Variants in ROBO2 observed in about 807,000 individuals in gnomAD.
ROBO2 encodes roundabout homolog 2.
Under a neutral mutation model 160.8 loss-of-function variants are expected in ROBO2, and 53 were observed. The ratio of observed to expected loss-of-function variants is 0.33; its 90% CI spans 0.26 to 0.41. The LOEUF is 0.41. ROBO2 is among the 10% of genes least tolerant of loss of function. The pLI, the probability that ROBO2 is intolerant of heterozygous loss-of-function variation, is 1.00. For missense variants in ROBO2, 1,577 were observed against 1,722.4 expected (o/e 0.92, Z 1.49); for synonymous variants, 664 against 611.7 (o/e 1.09, Z -1.26).
intron 2 of ROBO2, among the ~76,000 whole-genome samples, chr3:76,967,672 C>A (rs997104094): frequency 1.3e-5 from 2 of 151,676 alleles, no homozygotes; most frequent in Non-Finnish European, 2.9e-5. Flanking sequence ...CAGGCACTCT[C>A]TACCACACCT....
intron 2 of ROBO2, among the ~76,000 whole-genome samples, chr3:76,364,777 A>C (rs894956635): frequency 1.3e-5 from 2 of 152,048 alleles, no homozygotes; most frequent in Non-Finnish European, 2.9e-5. Flanking sequence ...TCAAAACTTC[A>C]TGTAGGCTGC....
In ROBO2 at chr3:76,523,543, A is replaced by G. The variant is rs375391908; in HGVS notation, c.110-574471A>G. On this transcript the variant is annotated intron_variant, in intron 2 of 26. Transcript: ENST00000487694. ...CTGCCATCTCCACAGCTGCATCTCA[A>G]ACTTCTCTGATGTAGTATTCCTCTT... 9.9e-5 allele frequency among the ~76,000 whole-genome samples: 15 copies of G among 152,156 alleles called. 1 individual carries two copies. Among genetic ancestry groups the G allele is most frequent in the Admixed American group, 7.9e-4 (12 of 15,264 alleles).
intron 2 of ROBO2, among the ~76,000 whole-genome samples, chr3:76,818,366 TTG>T (rs1159565642): frequency 3.9e-5 from 6 of 152,068 alleles, no homozygotes; most frequent in African/African-American, 1.4e-4. Context: ...GATGATTTGT[TTG>T]TGTTTTTTTG....
At chr3:76,599,946 C>G (rs1010439945) in intron 2 of ROBO2, among the ~76,000 whole-genome samples, 1 of 151,972 alleles carries the variant, frequency 6.6e-6, no homozygotes. Context: ...AATATTAGAC[C>G]TTTGTCATGT....
chr3:77,516,941 C>T (rs2090082006), intron 5 of ROBO2, among the ~76,000 whole-genome samples: 1 of 151,540 alleles, frequency 6.6e-6, no homozygotes, highest in Non-Finnish European at 1.5e-5. Flanking sequence ...AATAAGCATT[C>T]ATTGAACGCC....
intron 2 of ROBO2, among the ~76,000 whole-genome samples, chr3:76,008,653 C>T (rs2066101333): frequency 6.6e-6 from 1 of 152,084 alleles, no homozygotes. Context: ...ATCAAATGAC[C>T]ACCCTCTCAT....
At chr3:76,435,071 C>A in intron 2 of ROBO2, 1 of 1,081,390 alleles carries the variant, frequency 9.2e-7, no homozygotes, top group Non-Finnish European at 1.4e-6. Flanking sequence ...ACAAGTGTGT[C>A]AACATGACAT....
At chr3:77,546,244 C>T in intron 6 of ROBO2, 94 bp from the exon 8 acceptor site, 1 of 1,359,866 alleles carries the variant, frequency 7.4e-7, no homozygotes, top group African/African-American at 1.4e-5. Flanking sequence ...CTCTCTGGCA[C>T]TGAACAGTCA....
At chr3:77,338,129 G>A (rs1174164022) in intron 2 of ROBO2, among the ~76,000 whole-genome samples, 3 of 151,896 alleles carry the variant, frequency 2.0e-5, no homozygotes, top group Non-Finnish European at 4.4e-5. Context: ...TCAGAGAAGG[G>A]GTACCACAGA....
At chr3:77,620,966 G>A (rs1289239741) in intron 22 of ROBO2, among the ~76,000 whole-genome samples, 1 of 152,082 alleles carries the variant, frequency 6.6e-6, no homozygotes, top group Admixed American at 6.6e-5. Flanking sequence ...TTTTAATGCT[G>A]GTAACAAATA....
intron 2 of ROBO2, among the ~76,000 whole-genome samples, chr3:77,148,333 T>C (rs1326584877): frequency 6.6e-6 from 1 of 152,224 alleles, no homozygotes; most frequent in African/African-American, 2.4e-5. Context: ...GAGGACATAC[T>C]GTGTTTCATT....
chr3:76,626,850 C>A (rs1034852468), intron 2 of ROBO2, among the ~76,000 whole-genome samples: 17 of 152,066 alleles, frequency 1.1e-4, no homozygotes, highest in Non-Finnish European at 1.5e-5. Context: ...CACCACCACA[C>A]CCAGCTAATT....
intron 2 of ROBO2, among the ~76,000 whole-genome samples, chr3:76,617,379 C>T (rs763387795): frequency 2.6e-5 from 4 of 151,996 alleles, no homozygotes; most frequent in East Asian, 1.9e-4. Flanking sequence ...CATTTTTTAT[C>T]GTATGAAACT....
intron 2 of ROBO2, among the ~76,000 whole-genome samples, chr3:76,713,096 GA>G (rs567441172): frequency 5.3e-5 from 8 of 152,082 alleles, no homozygotes; most frequent in Non-Finnish European, 1.2e-4. Context: ...GCCTGATTTG[GA>G]GCTACTTTCT....
chr3:76,820,344 T>C (rs547705609), intron 2 of ROBO2, among the ~76,000 whole-genome samples: 1 of 152,172 alleles, frequency 6.6e-6, no homozygotes, highest in Admixed American at 6.6e-5. Flanking sequence ...ACTTTCTACT[T>C]GAATCAATAT....
intron 2 of ROBO2, among the ~76,000 whole-genome samples, chr3:77,351,894 C>T (rs530159859): frequency 2.7e-5 from 4 of 149,864 alleles, no homozygotes; most frequent in African/African-American, 9.9e-5. Context: ...GAGAAGTGAA[C>T]AATGAGAACA....
At chr3:77,588,004 C>A (rs572888548) in intron 16 of ROBO2, among the ~76,000 whole-genome samples, 28 of 152,108 alleles carry the variant, frequency 1.8e-4, no homozygotes, top group African/African-American at 6.3e-4. Context: ...ATGACTAGTT[C>A]TAGAATAATC....
At chr3:77,521,558 A>G (rs2090600035) in intron 5 of ROBO2, among the ~76,000 whole-genome samples, 1 of 151,330 alleles carries the variant, frequency 6.6e-6, no homozygotes, top group African/African-American at 2.4e-5. Flanking sequence ...CTTATGACAT[A>G]TTTAATAAGC....
chr3:76,111,339 T>G (rs188933782), intron 2 of ROBO2, among the ~76,000 whole-genome samples: 1 of 152,188 alleles, frequency 6.6e-6, no homozygotes, highest in Admixed American at 6.6e-5. Flanking sequence ...GGAAGGATTC[T>G]TTCTACTCAG....
Sources: allele counts gnomAD v4.1 joint callset (sites outside exome capture counted in the v4.1 genomes callset), GRCh38; gene constraint gnomAD v4.1.1; transcripts MANE v1.5; gene names NCBI Gene and HGNC (gene_info 2026-07-23, HGNC 2026-07-21).